Variants in DMGDH observed in about 807,000 individuals in gnomAD.
DMGDH encodes dimethylglycine dehydrogenase, also known as dimethylglycine dehydrogenase, mitochondrial.
Under a neutral mutation model 95.2 loss-of-function variants are expected in DMGDH, and 76 were observed. That is an observed-to-expected ratio of 0.80 (90% CI 0.66 to 0.97). The LOEUF is 0.97. DMGDH is among the 50% of genes least tolerant of loss of function. The pLI is 0.00. For synonymous variants in DMGDH, 345 were observed against 377.6 expected (o/e 0.91, Z 1.00); for missense variants, 987 against 1,055.0 (o/e 0.94, Z 0.89).
At chr5:79,050,273 A>AAAAAAT (rs1554037270) in intron 5 of DMGDH, among the ~76,000 whole-genome samples, 23 of 20,932 alleles carry the variant, frequency 1.1e-3, no homozygotes, top group African/African-American at 3.1e-3. Flanking sequence ...AAAAAAAAAA[A>AAAAAAT]ATATATATAT....
intron 14 of DMGDH, among the ~76,000 whole-genome samples, chr5:79,010,399 T>G (rs959964334): frequency 6.6e-6 from 1 of 152,158 alleles, no homozygotes; most frequent in South Asian, 2.1e-4. Flanking sequence ...GAAAATACAG[T>G]CTTGGACCTT....
chr5:79,035,001 G>T (rs1168580257), intron 7 of DMGDH, among the ~76,000 whole-genome samples: 2 of 142,448 alleles, frequency 1.4e-5, no homozygotes, highest in Non-Finnish European at 3.0e-5. Context: ...AGCTTGCAGT[G>T]AGCCGAGATC....
chr5:79,053,074 A>G (rs2112661338), intron 4 of DMGDH, among the ~76,000 whole-genome samples: 1 of 150,280 alleles, frequency 6.7e-6, no homozygotes, highest in East Asian at 2.0e-4. Flanking sequence ...TGGGCTCACT[A>G]TGTAAACTGT....
intron 1 of DMGDH, among the ~76,000 whole-genome samples, chr5:79,064,009 G>T (rs1755294503): frequency 6.6e-6 from 1 of 152,148 alleles, no homozygotes; most frequent in Non-Finnish European, 1.5e-5. Flanking sequence ...CTGGTCCATT[G>T]TAGCTACTAT....
At chr5:79,042,248 C>G in intron 7 of DMGDH, 35 bp downstream of exon 7, 1 of 1,586,204 alleles carries the variant, frequency 6.3e-7, no homozygotes, top group Non-Finnish European at 8.7e-7. Context: ...ATAAGTGATT[C>G]TACAATAAAT....
chr5:79,051,334 T>A lies in DMGDH; in HGVS notation c.698A>T (p.Glu233Val). 6.2e-7 allele frequency: 1 copy of A among 1,614,210 alleles called. No homozygotes were observed. Among genetic ancestry groups the A allele is most frequent in the Non-Finnish European group, 8.5e-7 (1 of 1,180,034 alleles). Residue 233 changes from glutamate to valine, a missense_variant, in exon 5 of 16, where the codon GAA becomes GTA. By Grantham distance (121) the Glu-to-Val change is moderately radical (BLOSUM62 -2). Transcript: ENST00000255189. ...TGCTCTCATAGACCCCTGTGGTGTT[T>A]CAACGTCCCATGTTCCATCTGACCT... The part of the protein sequence containing the change: ...KARSDGTWDV[E>V]TPQGSMRANR...
intron 15 of DMGDH, chr5:79,000,849 T>C: frequency 1.6e-6 from 1 of 636,036 alleles, no homozygotes; most frequent in Non-Finnish European, 2.8e-6. Flanking sequence ...ACATATATAT[T>C]TCCTCAGGCT....
intron 7 of DMGDH, among the ~76,000 whole-genome samples, chr5:79,040,656 A>T (rs571003871): frequency 6.6e-6 from 1 of 152,364 alleles, no homozygotes; most frequent in African/African-American, 2.4e-5. Flanking sequence ...GGACACCATC[A>T]AGAAAGTAAA....
At chr5:79,030,119 T>C in intron 10 of DMGDH, 85 bp from the exon 11 acceptor site, 13 of 1,186,458 alleles carry the variant, frequency 1.1e-5, no homozygotes, top group Admixed American at 2.1e-5. Context: ...ACAATGTGGG[T>C]GTTAAGAATG....
intron 8 of DMGDH, 126 bp from the exon 9 acceptor site, chr5:79,032,966 T>C (rs908587028): frequency 8.6e-7 from 1 of 1,156,498 alleles, no homozygotes; most frequent in Non-Finnish European, 1.3e-6. Context: ...CATACATATA[T>C]ATGAATGATT....
In DMGDH at chr5:79,042,632, A is replaced by G. The variant is rs551087720; in HGVS notation, c.995-151T>C. ...TTAAAGTCTAAATTTCATATTCCCT[A>G]TCAACAGATGAGTATCCATTTATAT... On this transcript the variant is annotated intron_variant, in intron 6 of 15. Transcript: ENST00000255189. The G allele has an allele frequency of 5.4e-5, 39 of 724,020 alleles. No individual in the cohort carries two copies. In the South Asian group the frequency reaches 5.7e-4, roughly 11 times the overall value. The allele number at this position is 724,020 out of a possible 1,614,324, so 44.8% of individuals were successfully genotyped here.
chr5:79,068,178 A>G (rs1257287656), intron 1 of DMGDH, among the ~76,000 whole-genome samples: 4 of 152,166 alleles, frequency 2.6e-5, no homozygotes, highest in African/African-American at 7.2e-5. Flanking sequence ...TCAGCTTCCC[A>G]AAGTGCTGAG....
chr5:79,009,396 T>C (rs1292203634), intron 14 of DMGDH, among the ~76,000 whole-genome samples: 1 of 149,060 alleles, frequency 6.7e-6, no homozygotes, highest in African/African-American at 2.5e-5. Flanking sequence ...AATCTCTCTC[T>C]GTCACCCAGG....
At chr5:79,065,018 G>C (rs982710797) in intron 1 of DMGDH, among the ~76,000 whole-genome samples, 3 of 151,942 alleles carry the variant, frequency 2.0e-5, no homozygotes, top group Non-Finnish European at 2.9e-5. Context: ...CCAGAGTGCT[G>C]GGATTACAGG....
Position 79,054,183 on chromosome 5 carries a change from C to A in DMGDH, c.540+1G>T, listed in dbSNP as rs1272019208. The stretch of plus-strand genomic sequence containing the variant: ...GGTAAAAATGCCCTTAAGATAAATA[C>A]CTTATTCATGTTGAGTAAAGGGAAC... On this transcript the variant is annotated splice_donor_variant, in intron 4 of 15. Transcript: ENST00000255189. LOFTEE classifies it high-confidence loss of function. 1.9e-6 allele frequency: 3 copies of A among 1,613,502 alleles called. No homozygotes were observed. Among genetic ancestry groups the A allele is most frequent in the Non-Finnish European group, 2.5e-6 (3 of 1,179,886 alleles).
intron 14 of DMGDH, chr5:79,021,189 T>TC (rs1023283679): frequency 8.1e-5 from 81 of 994,306 alleles, no homozygotes; most frequent in Non-Finnish European, 8.9e-5. Flanking sequence ...ACGGAGCACT[T>TC]CCCACAAGAT....
chr5:78,998,429 C>G, intron 15 of DMGDH, 132 bp from the exon 16 acceptor site: 1 of 802,248 alleles, frequency 1.2e-6, no homozygotes, highest in Non-Finnish European at 2.1e-6. Context: ...TCTGGGGGGA[C>G]AACGCCAGAG....
At position 79,026,503 on chromosome 5, in the gene DMGDH, T is replaced by A; in HGVS notation, c.2111A>T (p.Glu704Val). The change falls in exon 13 of 16, where the codon GAG becomes GTG. Residue 704 changes from glutamate to valine, a missense_variant. Physicochemically the swap from Glu to Val is moderately radical, Grantham distance 121 (BLOSUM62 -2). Coordinates refer to ENST00000255189, the MANE Select transcript of DMGDH (RefSeq NM_013391.3). The stretch of plus-strand genomic sequence containing the variant: ...GGTTCCAAAATTGTCGATTCCCTCC[T>A]CCTGGCCTGCATTCATGATAGCGTC... The part of the protein sequence containing the change: ...LYDAIMNAGQ[E>V]EGIDNFGTYA... 1 of 1,614,152 alleles carries A rather than the reference T, an allele frequency of 6.2e-7. No individual in the cohort carries two copies. Among genetic ancestry groups the A allele is most frequent in the Non-Finnish European group, 8.5e-7 (1 of 1,180,016 alleles).
At chr5:79,053,327 T>C (rs1412052525) in intron 4 of DMGDH, among the ~76,000 whole-genome samples, 6 of 151,854 alleles carry the variant, frequency 4.0e-5, no homozygotes, top group Non-Finnish European at 5.9e-5. Context: ...CTCAGTTAAT[T>C]TTGTGTGTGT....
Sources: gnomAD v4.1 joint callset for allele counts (sites outside exome capture counted in the v4.1 genomes callset) on GRCh38, gnomAD v4.1.1 for gene constraint, MANE v1.5 for transcripts, NCBI Gene and HGNC (gene_info 2026-07-23, HGNC 2026-07-21) for gene names.